DIP2C: variants seen among roughly 807,000 people sequenced by gnomAD.
The protein encoded by DIP2C is disco-interacting protein 2 homolog C.
In DIP2C, 33 loss-of-function variants were observed where a neutral mutation model predicts 192.4. The ratio of observed to expected loss-of-function variants is 0.17; its 90% CI spans 0.13 to 0.23. DIP2C has a LOEUF of 0.23. Ranked by LOEUF, DIP2C falls within the 10% of genes least tolerant of loss-of-function variation. The pLI is 1.00. For missense variants in DIP2C, 1,537 were observed against 2,110.1 expected, an observed-to-expected ratio of 0.73 and a Z score of 5.32; for synonymous variants, 979 against 864.1, an observed-to-expected ratio of 1.13 and a Z score of -2.33.
At chr10:532,644 T>G (rs1378480954) in intron 1 of DIP2C, among the ~76,000 whole-genome samples, 3 of 100,842 alleles carry the variant, frequency 3.0e-5, no homozygotes, top group African/African-American at 9.9e-5. Context: ...AGAGAGAGTA[T>G]GGGTGTGAGA....
In DIP2C at chr10:532,574, GGT is replaced by G. The variant is rs369852305; in HGVS notation, c.86-46046_86-46045del. Among the ~76,000 whole-genome samples, 850 of 140,442 alleles carry G rather than the reference GGT, an allele frequency of 6.1e-3. 60 individuals carry two copies. Among genetic ancestry groups the G allele is most frequent in the African/African-American group, 0.017 (612 of 35,078 alleles). The allele number at this position is 140,442 out of a possible 152,430, so 92.1% of individuals were successfully genotyped here. On this transcript the variant is annotated intron_variant, in intron 1 of 36. Coordinates refer to ENST00000280886, the MANE Select transcript of DIP2C (RefSeq NM_014974.3). ...GAGTATGGGTGAGAGAGAGAGTATG[GGT>G]GTGAGAGAGAGTATGGGTGTGAGAG...
At chr10:290,701 T>G (rs188894467) in intron 32 of DIP2C, among the ~76,000 whole-genome samples, 1 of 152,112 alleles carries the variant, frequency 6.6e-6, no homozygotes, top group East Asian at 1.9e-4. Flanking sequence ...CTGGAGATGA[T>G]GAGGAGAGGG....
At chr10:339,214 G>A (rs4881135) in intron 29 of DIP2C, among the ~76,000 whole-genome samples, 145,018 of 152,206 alleles carry the variant, frequency 0.95, 69,413 homozygotes, top group East Asian at 1. Flanking sequence ...TAGTCATTGT[G>A]GATCTAGGAC....
rs770829687 is a variant in DIP2C, at chr10:344,896, A to C, written c.3366T>G (p.Pro1122=). The change falls in exon 28 of 37, where the codon CCT becomes CCG. Residue 1122 remains proline, a synonymous_variant. Transcript: ENST00000280886. ...LDTDDLPKKR[P]AQICKPCNPD... ...GGTTGCAAGGTTTGCAGATCTGGGC[A>C]GGCCGCTTCTTTGGCAAATCATCTG... is the stretch of plus-strand genomic sequence containing the variant. 6.8e-6 allele frequency: 11 copies of C among 1,607,448 alleles called. No homozygotes were observed. The South Asian group carries it at 1.2e-4, about 18-fold the overall frequency.
intron 35 of DIP2C, among the ~76,000 whole-genome samples, chr10:281,684 G>A (rs959155748): frequency 3.9e-5 from 6 of 152,230 alleles, no homozygotes; most frequent in African/African-American, 9.6e-5. Flanking sequence ...TGGACCCATC[G>A]GCTGAGGCCT....
chr10:500,647 C>T (rs535328992), intron 1 of DIP2C, among the ~76,000 whole-genome samples: 4 of 152,286 alleles, frequency 2.6e-5, no homozygotes, highest in South Asian at 2.1e-4. Context: ...ACCAAATGTT[C>T]GCTGGATAAA....
At chr10:427,891 C>G (rs1393169855) in intron 4 of DIP2C, among the ~76,000 whole-genome samples, 1 of 152,138 alleles carries the variant, frequency 6.6e-6, no homozygotes, top group African/African-American at 2.4e-5. Flanking sequence ...CAATAAGAGT[C>G]AATCATTCTA....
Position 661,632 on chromosome 10 carries a change from G to A in DIP2C, c.85+27862C>T, listed in dbSNP as rs147594470. On this transcript the variant is annotated intron_variant, in intron 1 of 36. Transcript: ENST00000280886. The stretch of plus-strand genomic sequence containing the variant: ...CAGCTCTTCTCTGGACTCTAAGCAG[G>A]GCCTTTTCTGGGTCTTCCGACCCTT... Among the ~76,000 whole-genome samples, 931 of 152,174 alleles carry A rather than the reference G, an allele frequency of 6.1e-3. 6 individuals carry two copies. Among genetic ancestry groups the A allele is most frequent in the African/African-American group, 0.02 (849 of 41,512 alleles).
chr10:302,603 A>G (rs1453714998), intron 32 of DIP2C, among the ~76,000 whole-genome samples: 1 of 152,038 alleles, frequency 6.6e-6, no homozygotes, highest in Non-Finnish European at 1.5e-5. Flanking sequence ...GTCATCACGC[A>G]AACACCACAG....
intron 3 of DIP2C, among the ~76,000 whole-genome samples, chr10:463,963 C>A (rs755992144): frequency 1.3e-5 from 2 of 152,048 alleles, no homozygotes; most frequent in Non-Finnish European, 2.9e-5. Context: ...TGAAACTGGA[C>A]CCCTTCTGTA....
chr10:564,546 C>T (rs1039297756), intron 1 of DIP2C, among the ~76,000 whole-genome samples: 1 of 152,334 alleles, frequency 6.6e-6, no homozygotes, highest in South Asian at 2.1e-4. Flanking sequence ...GGTGTCCACA[C>T]AGAAGCTGAG....
chr10:533,092 T>C (rs954014289), intron 1 of DIP2C, among the ~76,000 whole-genome samples: 1 of 152,216 alleles, frequency 6.6e-6, no homozygotes, highest in African/African-American at 2.4e-5. Context: ...CAGCACACTC[T>C]CACAGCTCGA....
Position 281,425 on chromosome 10 carries a change from G to A in DIP2C, c.4295-102C>T, listed in dbSNP as rs569787599. ...TTAAAAACGACCCCCAAGTGAGACA[G>A]GGATGCAAAGGAAGGGGCTCACGGA... On this transcript the variant is annotated intron_variant, in intron 35 of 36. Transcript: ENST00000280886. 17 of 1,448,434 alleles carry A rather than the reference G, an allele frequency of 1.2e-5. No homozygotes were observed. The African/African-American group carries it at 1.7e-4, about 15-fold the overall frequency. 89.7% of individuals were successfully genotyped at this position (1,448,434 alleles called of 1,614,324 possible).
chr10:407,678 G>C lies in DIP2C; in HGVS notation c.1149+1248C>G, dbSNP rs1964901442. On this transcript the variant is annotated intron_variant, in intron 9 of 36. Transcript: ENST00000280886. ...TTTTGCTTTGCTTTTCCCTGATCAA[G>C]GATGCTGAGCATCTTTTCATGTGTT... 2.0e-5 allele frequency among the ~76,000 whole-genome samples: 3 copies of C among 152,208 alleles called. No homozygotes were observed. The South Asian group carries it at 6.2e-4, about 32-fold the overall frequency.
At chr10:523,476 TG>T (rs1846854070) in intron 1 of DIP2C, among the ~76,000 whole-genome samples, 1 of 125,832 alleles carries the variant, frequency 7.9e-6, no homozygotes, top group Non-Finnish European at 1.7e-5. Flanking sequence ...CAAAGGACCC[TG>T]GAGTGAGGAT....
At chr10:348,460 C>G (rs553115007) in intron 26 of DIP2C, among the ~76,000 whole-genome samples, 181 bp downstream of exon 26, 4 of 152,282 alleles carry the variant, frequency 2.6e-5, no homozygotes, top group African/African-American at 7.2e-5. Flanking sequence ...GTTTACATCT[C>G]GCTTCTAGAC....
chr10:285,593 G>A (rs563063547), intron 34 of DIP2C, among the ~76,000 whole-genome samples: 6 of 152,346 alleles, frequency 3.9e-5, no homozygotes, highest in African/African-American at 1.2e-4. Flanking sequence ...GAGAGAATGC[G>A]GCGGAAGGAG....
intron 17 of DIP2C, chr10:370,079 G>A: frequency 1.0e-6 from 1 of 980,542 alleles, no homozygotes; most frequent in Non-Finnish European, 1.2e-6. Context: ...GAACAGCAAT[G>A]ATGGAAATCC....
chr10:563,025 G>A (rs1373630952), intron 1 of DIP2C, among the ~76,000 whole-genome samples: 6 of 152,230 alleles, frequency 3.9e-5, no homozygotes, highest in African/African-American at 1.4e-4. Flanking sequence ...CTTCCTTGAA[G>A]GCTTTTCTCA....
Sources: allele counts gnomAD v4.1 joint callset (sites outside exome capture counted in the v4.1 genomes callset), GRCh38; gene constraint gnomAD v4.1.1; transcripts MANE v1.5; gene names NCBI Gene and HGNC (gene_info 2026-07-23, HGNC 2026-07-21).